Variants in MAN2B2 observed in about 807,000 individuals in gnomAD.
MAN2B2 encodes the protein mannosidase alpha class 2B member 2, also known as epididymis-specific alpha-mannosidase.
Under a neutral mutation model 117.1 loss-of-function variants are expected in MAN2B2, and 106 were observed. That is an observed-to-expected ratio of 0.90 (90% confidence interval 0.77 to 1.06). The LOEUF is 1.06. Ranked by LOEUF, MAN2B2 falls within the 50% of genes least tolerant of loss-of-function variation. MAN2B2 has a pLI of 0.00. For missense variants in MAN2B2, 1,326 were observed against 1,381.4 expected, an observed-to-expected ratio of 0.96 and a Z score of 0.64; for synonymous variants, 544 against 595.1, an observed-to-expected ratio of 0.91 and a Z score of 1.25.
chr4:6,615,128 G>A (rs879322315), intron 16 of MAN2B2, among the ~76,000 whole-genome samples: 4 of 152,246 alleles, frequency 2.6e-5, no homozygotes, highest in Non-Finnish European at 5.9e-5. Context: ...GGGCGCAGTG[G>A]CTCACACCTG....
At chr4:6,587,718 T>G (rs1043749324) in intron 4 of MAN2B2, among the ~76,000 whole-genome samples, 2 of 150,390 alleles carry the variant, frequency 1.3e-5, no homozygotes, top group Admixed American at 6.7e-5. Context: ...TGTTTTTTGT[T>G]TTTTGGGTTT....
intron 5 of MAN2B2, among the ~76,000 whole-genome samples, chr4:6,590,765 G>A (rs1245826217): frequency 6.6e-6 from 1 of 152,242 alleles, no homozygotes; most frequent in Non-Finnish European, 1.5e-5. Context: ...GACGTGGCCT[G>A]GCTTTGTTGT....
intron 5 of MAN2B2, 75 bp downstream of exon 5, chr4:6,589,235 T>A (rs1726766832): frequency 1.7e-6 from 2 of 1,158,318 alleles, no homozygotes; most frequent in South Asian, 2.5e-5. Context: ...GTTCTGCAGT[T>A]TTGTTTTTGT....
At position 6,594,658 on chromosome 4, in the gene MAN2B2, A is replaced by G. The variant is rs150681679; in HGVS notation, c.983A>G (p.Tyr328Cys). The change falls in exon 7 of 19, where the codon TAC becomes TGC. Residue 328 changes from tyrosine (Y) to cysteine (C), a missense_variant. Coordinates refer to ENST00000285599, the MANE Select transcript of MAN2B2 (RefSeq NM_015274.3). ...GTGCAGTATGCCACGCTGGGCGACT[A>G]CTTCCGTGCCCTGCACGCTCTCAAT... ...VSVQYATLGD[Y>C]FRALHALNVT... is the part of the protein sequence containing the mutation. The G allele has an allele frequency of 2.0e-4, 324 of 1,613,444 alleles. No individual in the cohort carries two copies. The African/African-American group carries it at 3.1e-3, about 15-fold the overall frequency.
At chr4:6,582,919 T>C (rs969966491) in intron 3 of MAN2B2, among the ~76,000 whole-genome samples, 32 of 151,806 alleles carry the variant, frequency 2.1e-4, no homozygotes, top group African/African-American at 7.3e-4. Context: ...AGGATACTGG[T>C]TCAGCAGCTT....
chr4:6,596,279 C>T (rs371671940), intron 7 of MAN2B2, among the ~76,000 whole-genome samples: 7 of 151,998 alleles, frequency 4.6e-5, no homozygotes, highest in Non-Finnish European at 8.8e-5. Flanking sequence ...AATCGGGCCT[C>T]ACCACCCACT....
intron 5 of MAN2B2, among the ~76,000 whole-genome samples, chr4:6,590,497 C>T (rs931682632): frequency 3.3e-5 from 5 of 152,194 alleles, no homozygotes; most frequent in African/African-American, 9.7e-5. Flanking sequence ...TCCGTACCTG[C>T]CAGGTGAGGA....
chr4:6,601,600 G>A (rs1038813824), intron 10 of MAN2B2, among the ~76,000 whole-genome samples: 13 of 151,896 alleles, frequency 8.6e-5, no homozygotes, highest in Admixed American at 2.6e-4. Context: ...CCTCTAACCC[G>A]GGCTCGCTTC....
chr4:6,594,584 C>T lies in MAN2B2; in HGVS notation c.909C>T (p.Asp303=). The change falls in exon 7 of 19, where the codon GAC becomes GAT. Residue 303 remains aspartate, a synonymous_variant. Coordinates refer to ENST00000285599, the MANE Select transcript of MAN2B2 (RefSeq NM_015274.3). ...CCTCGGTGCAGTTTGCCAACATGGACCCGCTGCTGGACCACATCAACAGCC... is the reference window on the plus strand; with the variant it reads ...CCTCGGTGCAGTTTGCCAACATGGATCCGCTGCTGGACCACATCAACAGCC... ...FNASVQFANM[D]PLLDHINSHA... is the part of the protein sequence containing the mutation. 3 of 1,613,764 alleles carry T rather than the reference C, an allele frequency of 1.9e-6. No individual in the cohort carries two copies. The highest frequency in any genetic ancestry group is 2.5e-6 in the Non-Finnish European group (3 of 1,180,032).
chr4:6,613,158 C>G (rs544412015), intron 15 of MAN2B2, among the ~76,000 whole-genome samples: 95 of 152,282 alleles, frequency 6.2e-4, no homozygotes, highest in Non-Finnish European at 1.1e-3. Context: ...TCAGCATGGC[C>G]TGGGGTATTG....
At chr4:6,597,905 C>G (rs1420350829) in intron 8 of MAN2B2, among the ~76,000 whole-genome samples, 4 of 152,228 alleles carry the variant, frequency 2.6e-5, no homozygotes, top group Non-Finnish European at 5.9e-5. Context: ...AAAGGAGCTG[C>G]TGGCAGAACA....
At chr4:6,620,386 G>A in intron 18 of MAN2B2, 1 of 258,522 alleles carries the variant, frequency 3.9e-6, no homozygotes, top group Non-Finnish European at 7.7e-6. Context: ...GCCGGTCCCT[G>A]CCTCATACGA....
chr4:6,602,018 G>A (rs898950270), intron 10 of MAN2B2, among the ~76,000 whole-genome samples: 12 of 152,320 alleles, frequency 7.9e-5, no homozygotes, highest in East Asian at 1.9e-4. Context: ...GCCAGAAGCC[G>A]AGGGCCATCT....
chr4:6,613,710 GAGGGAGGGGAAGGGAAGGGAACGGA>G (rs1426688352), intron 15 of MAN2B2, among the ~76,000 whole-genome samples: 4 of 140,364 alleles, frequency 2.8e-5, no homozygotes, highest in African/African-American at 1.1e-4. Flanking sequence ...GGAAGTGAGG[GAGGGAGGGGAAGGGAAGGGAACGGA>G]AGGGAGGGGA....
intron 10 of MAN2B2, among the ~76,000 whole-genome samples, chr4:6,601,683 A>G (rs1727337518): frequency 1.3e-5 from 2 of 152,150 alleles, no homozygotes; most frequent in Admixed American, 1.3e-4. Flanking sequence ...AAGCTCAGAT[A>G]AGGTTGGAAG....
chr4:6,609,473 T>C, intron 12 of MAN2B2, 175 bp downstream of exon 12: 1 of 692,980 alleles, frequency 1.4e-6, no homozygotes. Flanking sequence ...TGCGTTTGCG[T>C]GTGCTGTGTC....
chr4:6,615,807 A>T (rs907102248), intron 16 of MAN2B2, among the ~76,000 whole-genome samples: 34 of 149,774 alleles, frequency 2.3e-4, no homozygotes, highest in Non-Finnish European at 4.0e-4. Flanking sequence ...CTCTAAAAAA[A>T]TTTTTTTTTT....
chr4:6,615,335 CT>C (rs2108758954), intron 16 of MAN2B2, among the ~76,000 whole-genome samples: 1 of 152,280 alleles, frequency 6.6e-6, no homozygotes, highest in Non-Finnish European at 1.5e-5. Context: ...CTCACCATTC[CT>C]GCTGTGTGGG....
At chr4:6,581,075 C>T (rs1276251445) in intron 3 of MAN2B2, among the ~76,000 whole-genome samples, 1 of 152,092 alleles carries the variant, frequency 6.6e-6, no homozygotes, top group Non-Finnish European at 1.5e-5. Context: ...ACAAGATGTA[C>T]ACGTATTTTT....
Sources: gnomAD v4.1 joint callset for allele counts (sites outside exome capture counted in the v4.1 genomes callset) on GRCh38, gnomAD v4.1.1 for gene constraint, MANE v1.5 for transcripts, NCBI Gene and HGNC (gene_info 2026-07-23, HGNC 2026-07-21) for gene names.